PHLDB1: variants seen among roughly 807,000 people sequenced by gnomAD.
The protein encoded by PHLDB1 is pleckstrin homology like domain family B member 1.
In PHLDB1, 65 loss-of-function variants were observed where a neutral mutation model predicts 139.3. The ratio of observed to expected loss-of-function variants is 0.47; its 90% confidence interval spans 0.38 to 0.57. PHLDB1 has a LOEUF of 0.57. PHLDB1 is among the 20% of genes least tolerant of loss of function. The pLI is 0.00. For synonymous variants in PHLDB1, 679 were observed against 734.5 expected, an observed-to-expected ratio of 0.92 and a Z score of 1.22; for missense variants, 1,624 against 1,839.7, an observed-to-expected ratio of 0.88 and a Z score of 2.14.
chr11:118,626,013 G>A (rs1219949666), intron 5 of PHLDB1, among the ~76,000 whole-genome samples: 1 of 152,148 alleles, frequency 6.6e-6, no homozygotes, highest in East Asian at 1.9e-4. Flanking sequence ...TAGCTGTTTG[G>A]GGCAGTGGTT....
At chr11:118,648,138 G>A (rs1591753687) in intron 18 of PHLDB1, 62 bp downstream of exon 18, 2 of 1,510,618 alleles carry the variant, frequency 1.3e-6, no homozygotes, top group Non-Finnish European at 9.1e-7. Flanking sequence ...GAGAAGTGGG[G>A]AGATCCCAGG....
At chr11:118,653,786 G>A (rs1555139370) in intron 20 of PHLDB1, 1 of 152,182 alleles carries the variant, frequency 6.6e-6, no homozygotes, top group Non-Finnish European at 1.5e-5. Context: ...GATAAAGGAG[G>A]ATTCAGATTC....
chr11:118,645,829 A>G lies in PHLDB1; in HGVS notation c.3507+4A>G, dbSNP rs781856431. 1.3e-6 allele frequency: 2 copies of G among 1,595,010 alleles called. No individual in the cohort carries two copies. Among genetic ancestry groups the G allele is most frequent in the Non-Finnish European group, 1.7e-6 (2 of 1,163,066 alleles). On this transcript the variant is annotated splice_donor_region_variant and intron_variant, in intron 17 of 22. Coordinates refer to ENST00000600882, the MANE Select transcript of PHLDB1 (RefSeq NM_001144758.3). This position sits in a 1 kb window ranked among gnomAD's most constrained non-coding sequence, Gnocchi z 5.1. Reference sequence around the variant, plus strand: ...GAACCGGCTCATGGAGTCGAGGGTGAGTCTGACCTGGATCGGGGAGGCAGA... The same window carrying G: ...GAACCGGCTCATGGAGTCGAGGGTGGGTCTGACCTGGATCGGGGAGGCAGA...
In PHLDB1 at chr11:118,608,255, A is replaced by T. The variant is rs899369115; in HGVS notation, c.-22+556A>T. Reference sequence around the variant, plus strand: ...GGAGGGCTGCCTGGGGGTGTCCAGGAGATGGGAAGCCCGCCTGGGGCCTCC... The same window carrying T: ...GGAGGGCTGCCTGGGGGTGTCCAGGTGATGGGAAGCCCGCCTGGGGCCTCC... On this transcript the variant is annotated intron_variant, in intron 1 of 22. Coordinates refer to ENST00000600882, the MANE Select transcript of PHLDB1 (RefSeq NM_001144758.3). This position sits in a 1 kb window ranked among gnomAD's most constrained non-coding sequence, Gnocchi z 6.7. Among the ~76,000 whole-genome samples, 1 of 151,964 alleles carries T rather than the reference A, an allele frequency of 6.6e-6. No individual in the cohort carries two copies. The highest frequency in any genetic ancestry group is 2.4e-5 in the African/African-American group (1 of 41,410).
rs1388270014 is a variant in PHLDB1 at position 118,657,621 on chromosome 11, G to A, written c.*798G>A. The A allele has an allele frequency of 2.6e-5, 4 of 153,504 alleles. No individual in the cohort carries two copies. In the East Asian group the frequency reaches 7.7e-4, roughly 29 times the overall value. The allele number at this position is 153,504 out of a possible 1,614,324, so 9.5% of individuals were successfully genotyped here. ...CCCTTCCACTGGTGCCTTGCTTAGAGCCAGAAGGGATGAAGCCGGGGGATC... is the reference window on the plus strand; with the variant it reads ...CCCTTCCACTGGTGCCTTGCTTAGAACCAGAAGGGATGAAGCCGGGGGATC... On this transcript the variant is annotated 3_prime_UTR_variant, in exon 23 of 23. Coordinates refer to ENST00000600882, the MANE Select transcript of PHLDB1 (RefSeq NM_001144758.3).
chr11:118,626,591 C>T (rs181331866), intron 5 of PHLDB1, among the ~76,000 whole-genome samples: 2 of 152,204 alleles, frequency 1.3e-5, no homozygotes, highest in Non-Finnish European at 2.9e-5. Context: ...CCATGTTGGC[C>T]AGGCTGGTCT....
Position 118,632,868 on chromosome 11 carries a change from G to A in PHLDB1, c.2379+572G>A, listed in dbSNP as rs140266154. 307 of 982,156 alleles carry A rather than the reference G, an allele frequency of 3.1e-4. No homozygotes were observed. The African/African-American group carries it at 4.7e-3, about 15-fold the overall frequency. 60.8% of individuals were successfully genotyped at this position (982,156 alleles called of 1,614,324 possible). ...CCAACACCGTGCCAAAAGCTCTGAAGTGGAGAGGGGTCATCTATTTCTGGA... is the reference window on the plus strand; with the variant it reads ...CCAACACCGTGCCAAAAGCTCTGAAATGGAGAGGGGTCATCTATTTCTGGA... On this transcript the variant is annotated intron_variant, in intron 9 of 22. Transcript: ENST00000600882. The surrounding 1 kb of genome is among the most constrained non-coding windows in gnomAD (Gnocchi z 5.9).
rs552401752 is a variant in PHLDB1 at position 118,656,079 on chromosome 11, C to T, written c.3993+187C>T. On this transcript the variant is annotated intron_variant, in intron 22 of 22. Coordinates refer to ENST00000600882, the MANE Select transcript of PHLDB1 (RefSeq NM_001144758.3). The stretch of plus-strand genomic sequence containing the variant: ...CTCTCTCTCCTTGTTGCCTCCCTCT[C>T]CTGGAAATGACAGCAGACCCCATGG... 4.0e-5 allele frequency among the ~76,000 whole-genome samples: 6 copies of T among 151,550 alleles called. No homozygotes were observed. In the South Asian group the frequency reaches 1.0e-3, roughly 26 times the overall value.
Position 118,632,094 on chromosome 11 carries a change from A to G in PHLDB1, c.2241+41A>G. The G allele has an allele frequency of 1.9e-6, 3 of 1,613,600 alleles. No individual in the cohort carries two copies. The highest frequency in any genetic ancestry group is 2.5e-6 in the Non-Finnish European group (3 of 1,179,654). ...CCTAGCTGGACTCTTCCCTAGGCCA[A>G]CTGAAGGCCCCAGAGAGGGGCCACA... is the stretch of plus-strand genomic sequence containing the variant. On this transcript the variant is annotated intron_variant, in intron 8 of 22. Coordinates refer to ENST00000600882, the MANE Select transcript of PHLDB1 (RefSeq NM_001144758.3). This position sits in a 1 kb window ranked among gnomAD's most constrained non-coding sequence, Gnocchi z 5.9.
At chr11:118,618,484 G>A (rs1316048093) in intron 4 of PHLDB1, among the ~76,000 whole-genome samples, 11 of 152,230 alleles carry the variant, frequency 7.2e-5, no homozygotes, top group African/African-American at 1.9e-4. Context: ...CTGTGTAACC[G>A]GAGTGTGTTT....
Position 118,650,501 on chromosome 11 carries a change from C to T in PHLDB1, c.3828C>T (p.Arg1276=), listed in dbSNP as rs782012176. ...GCAAGATTAAATCATGGAAGAAGCG[C>T]TGGTTTGTCTTCGACCGGCTCAAGC... ...MGGKIKSWKK[R]WFVFDRLKRT... The change falls in exon 20 of 23, where the codon CGC becomes CGT. Residue 1276 remains arginine (R), a synonymous_variant. Coordinates refer to ENST00000600882, the MANE Select transcript of PHLDB1 (RefSeq NM_001144758.3). This position sits in a 1 kb window ranked among gnomAD's most constrained non-coding sequence, Gnocchi z 4.7. 6.2e-7 allele frequency: 1 copy of T among 1,614,152 alleles called. No homozygotes were observed. Among genetic ancestry groups the T allele is most frequent in the Non-Finnish European group, 8.5e-7 (1 of 1,180,004 alleles).
chr11:118,625,046 C>T lies in PHLDB1; in HGVS notation c.468C>T (p.Tyr156=), dbSNP rs1392940988. The T allele has an allele frequency of 1.1e-5, 17 of 1,608,544 alleles. No individual in the cohort carries two copies. The highest frequency in any genetic ancestry group is 1.3e-5 in the Non-Finnish European group (15 of 1,177,434). ...PAGGRAPGPP[Y]SPVPAESESL... is the part of the protein sequence containing the mutation. ...GGGGCCGAGCCCCTGGGCCCCCCTA[C>T]AGCCCTGTTCCTGGTAGGTACCGAC... is the stretch of plus-strand genomic sequence containing the variant. Residue 156 remains tyrosine, a synonymous_variant, in exon 5 of 23, where the codon TAC becomes TAT. Coordinates refer to ENST00000600882, the MANE Select transcript of PHLDB1 (RefSeq NM_001144758.3).
At chr11:118,646,883 T>C (rs560772049) in intron 17 of PHLDB1, 14 of 152,204 alleles carry the variant, frequency 9.2e-5, no homozygotes, top group Non-Finnish European at 1.8e-4. Context: ...TCCTATCTTA[T>C]TTATGTCTGA....
intron 3 of PHLDB1, chr11:118,615,615 T>C (rs2135789824): frequency 6.1e-6 from 1 of 163,116 alleles, no homozygotes; most frequent in Admixed American, 6.1e-5. Context: ...GGAGACGAAG[T>C]GTTGCAGGTA....
At position 118,627,809 on chromosome 11, in the gene PHLDB1, G is replaced by T. The variant is rs374819682; in HGVS notation, c.986G>T (p.Gly329Val). ...HERPPSPGLR[G>V]LLTDSPAATV... ...AGGCCTCCCAGCCCTGGCCTCCGGG[G>T]TCTGCTGACAGACAGCCCTGCAGCT... is the stretch of plus-strand genomic sequence containing the variant. Residue 329 changes from glycine (G) to valine (V), a missense_variant, in exon 6 of 23, where the codon GGT (glycine) becomes GTT (valine). Transcript: ENST00000600882. 1.9e-6 allele frequency: 3 copies of T among 1,604,780 alleles called. No homozygotes were observed. The highest frequency in any genetic ancestry group is 1.7e-5 in the Admixed American group (1 of 59,722).
In PHLDB1 at chr11:118,632,326, G is replaced by A. The variant is rs76644166; in HGVS notation, c.2379+30G>A. The stretch of plus-strand genomic sequence containing the variant: ...CCCACACCTGGCCCAGCTTAGTGCT[G>A]GGTACCAGTGGCCTGGGAGAGAAGG... On this transcript the variant is annotated intron_variant, in intron 9 of 22. Transcript: ENST00000600882. The surrounding 1 kb of genome is among the most constrained non-coding windows in gnomAD (Gnocchi z 5.9). 162 of 1,609,728 alleles carry A rather than the reference G, an allele frequency of 1.0e-4. No individual in the cohort carries two copies. The East Asian group carries it at 3.3e-3, about 33-fold the overall frequency.
intron 4 of PHLDB1, among the ~76,000 whole-genome samples, chr11:118,623,312 A>G (rs1943181575): frequency 6.6e-6 from 1 of 152,224 alleles, no homozygotes; most frequent in South Asian, 2.1e-4. Flanking sequence ...TTCTCCCAAC[A>G]TAGTATCTTC....
intron 1 of PHLDB1, among the ~76,000 whole-genome samples, chr11:118,609,107 G>A (rs1420912770): frequency 7.9e-6 from 1 of 126,484 alleles, no homozygotes; most frequent in Non-Finnish European, 1.6e-5. Context: ...CCCAGCTCAT[G>A]CAAGCAGCCC....
Position 118,625,042 on chromosome 11 carries a change from C to T in PHLDB1, c.464C>T (p.Pro155Leu). 6.2e-7 allele frequency: 1 copy of T among 1,610,442 alleles called. No individual in the cohort carries two copies. The highest frequency in any genetic ancestry group is 8.5e-7 in the Non-Finnish European group (1 of 1,178,116). ...IPAGGRAPGP[P>L]YSPVPAESES... Reference sequence around the variant, plus strand: ...GCAGGGGGCCGAGCCCCTGGGCCCCCCTACAGCCCTGTTCCTGGTAGGTAC... The same window carrying T: ...GCAGGGGGCCGAGCCCCTGGGCCCCTCTACAGCCCTGTTCCTGGTAGGTAC... The change falls in exon 5 of 23, where the codon CCC (proline) becomes CTC (leucine). Residue 155 changes from proline to leucine, a missense_variant. Transcript: ENST00000600882.
Sources: allele counts gnomAD v4.1 joint callset (sites outside exome capture counted in the v4.1 genomes callset), GRCh38; gene constraint gnomAD v4.1.1; non-coding constraint Gnocchi (gnomAD v3.1); transcripts MANE v1.5; gene names NCBI Gene and HGNC (gene_info 2026-07-23, HGNC 2026-07-21).